FITM2: variants seen among roughly 807,000 people sequenced by gnomAD.
FITM2 encodes fat storage inducing transmembrane protein 2.
A neutral mutation model predicts 23.3 loss-of-function variants in FITM2; 16 were observed. The ratio of observed to expected loss-of-function variants is 0.69; its 90% CI spans 0.47 to 1.05. FITM2 has a LOEUF of 1.05. FITM2 is among the 50% of genes least tolerant of loss of function. FITM2 has a pLI of 0.00. For missense variants in FITM2, 273 were observed against 327.5 expected (o/e 0.83, Z 1.29); for synonymous variants, 132 against 142.0 (o/e 0.93, Z 0.50).
In FITM2 at chr20:44,306,278, G is replaced by A. The variant is rs995703304; in HGVS notation, c.*347C>T. ...GAGAAGGCAGCAAAGGAGTCCCAAG[G>A]CTCTGGCCACTCCTTTAGCCACACC... On this transcript the variant is annotated 3_prime_UTR_variant, in exon 2 of 2. Coordinates refer to ENST00000396825, the MANE Select transcript of FITM2 (RefSeq NM_001080472.4). The A allele has an allele frequency of 7.7e-6, 2 of 260,508 alleles. No homozygotes were observed. Among genetic ancestry groups the A allele is most frequent in the African/African-American group, 4.4e-5 (2 of 45,056 alleles). The allele number at this position is 260,508 out of a possible 1,614,324, so 16.1% of individuals were successfully genotyped here. A position where few individuals can be genotyped will look rare whatever the true frequency, so the allele number is the denominator to read the frequency against.
At position 44,306,927 on chromosome 20, in the gene FITM2, C is replaced by T. The variant is rs370245406; in HGVS notation, c.487G>A (p.Ala163Thr). The T allele has an allele frequency of 4.2e-5, 68 of 1,614,174 alleles. No homozygotes were observed. The highest frequency in any genetic ancestry group is 4.1e-4 in the African/African-American group (31 of 75,036). The change falls in exon 2 of 2, where the codon GCC becomes ACC. Residue 163 changes from alanine to threonine, a missense_variant. Ala to Thr is a moderately conservative substitution (Grantham distance 58). Coordinates refer to ENST00000396825, the MANE Select transcript of FITM2 (RefSeq NM_001080472.4). ...SGHSFLLTFCALMIVEEMSVL... is the reference protein window; with the variant it reads ...SGHSFLLTFCTLMIVEEMSVL... ...GACATCTCTTCTACAATCATGAGGG[C>T]GCAGAAGGTCAGCAGGAAGGAGTGA...
chr20:44,303,420 G>A lies in FITM2; in HGVS notation c.*3205C>T, dbSNP rs1198110048. On this transcript the variant is annotated 3_prime_UTR_variant, in exon 2 of 2. Transcript: ENST00000396825. ...ATAGAAAGCATGCTCCCAAGGAAGA[G>A]GCAAGGGGGCTAAGCATGGACAAGT... is the stretch of plus-strand genomic sequence containing the variant. 6.6e-6 allele frequency: 1 copy of A among 152,222 alleles called. No homozygotes were observed. Among genetic ancestry groups the A allele is most frequent in the Non-Finnish European group, 1.5e-5 (1 of 68,044 alleles). 9.4% of individuals were successfully genotyped at this position (152,222 alleles called of 1,614,324 possible).
rs1225873275 is a variant in FITM2, at chr20:44,306,609, C to T, written c.*16G>A. 23 of 1,607,976 alleles carry T rather than the reference C, an allele frequency of 1.4e-5. No homozygotes were observed. Among genetic ancestry groups the T allele is most frequent in the Non-Finnish European group, 1.7e-5 (20 of 1,175,850 alleles). ...TAGATTAGCCATTGTCCTTCTGTCCCCCCTCTGTTACTCTTTTATTTCTTG... is the reference window on the plus strand; with the variant it reads ...TAGATTAGCCATTGTCCTTCTGTCCTCCCTCTGTTACTCTTTTATTTCTTG... On this transcript the variant is annotated 3_prime_UTR_variant, in exon 2 of 2. Coordinates refer to ENST00000396825, the MANE Select transcript of FITM2 (RefSeq NM_001080472.4).
intron 1 of FITM2, among the ~76,000 whole-genome samples, chr20:44,310,514 A>G (rs1262118988): frequency 6.6e-6 from 1 of 152,092 alleles, no homozygotes; most frequent in Non-Finnish European, 1.5e-5. Flanking sequence ...CAGGTCGTAA[A>G]GGGATTCTGT....
Position 44,306,611 on chromosome 20 carries a change from C to A in FITM2, c.*14G>T, listed in dbSNP as rs751486880. 32 of 1,608,532 alleles carry A rather than the reference C, an allele frequency of 2.0e-5. No individual in the cohort carries two copies. Among genetic ancestry groups the A allele is most frequent in the South Asian group, 3.3e-5 (3 of 90,572 alleles). On this transcript the variant is annotated 3_prime_UTR_variant, in exon 2 of 2. Coordinates refer to ENST00000396825, the MANE Select transcript of FITM2 (RefSeq NM_001080472.4). ...GATTAGCCATTGTCCTTCTGTCCCC[C>A]CTCTGTTACTCTTTTATTTCTTGTA... is the stretch of plus-strand genomic sequence containing the variant.
intron 1 of FITM2, 35 bp downstream of exon 1, chr20:44,310,941 C>T (rs2062703215): frequency 1.3e-6 from 2 of 1,511,084 alleles, no homozygotes; most frequent in South Asian, 1.3e-5. Context: ...CGGGCCGGCT[C>T]GGGCGGGGAC....
At chr20:44,309,311 T>C (rs537288726) in intron 1 of FITM2, among the ~76,000 whole-genome samples, 275 of 152,158 alleles carry the variant, frequency 1.8e-3, no homozygotes, top group South Asian at 8.1e-3. Flanking sequence ...TCCTCAGTAG[T>C]TGGAATTACA....
Position 44,304,388 on chromosome 20 carries a change from C to T in FITM2, c.*2237G>A, listed in dbSNP as rs1320229290. 6.6e-6 allele frequency: 1 copy of T among 152,222 alleles called. No homozygotes were observed. Among genetic ancestry groups the T allele is most frequent in the Non-Finnish European group, 1.5e-5 (1 of 68,062 alleles). The allele number at this position is 152,222 out of a possible 1,614,324, so 9.4% of individuals were successfully genotyped here. A position where few individuals can be genotyped will look rare whatever the true frequency, so the allele number is the denominator to read the frequency against. ...GGATATCTTATCACAGGGCGTGGAA[C>T]TGTGCCTTTGTGGATGGAGGTGACA... On this transcript the variant is annotated 3_prime_UTR_variant, in exon 2 of 2. Coordinates refer to ENST00000396825, the MANE Select transcript of FITM2 (RefSeq NM_001080472.4).
intron 1 of FITM2, among the ~76,000 whole-genome samples, 157 bp from the exon 2 acceptor site, chr20:44,307,397 A>G (rs973995676): frequency 6.6e-6 from 1 of 152,042 alleles, no homozygotes; most frequent in Non-Finnish European, 1.5e-5. Flanking sequence ...CTTACCATAT[A>G]CTTCACTTAC....
In FITM2 at chr20:44,307,123, C is replaced by A; in HGVS notation, c.291G>T (p.Leu97=). The stretch of plus-strand genomic sequence containing the variant: ...TGTACCAGATGGCCGTGCCCACAAG[C>A]AGGGTGCTCAGCCGCCGCAGGACCA... ...AGLVLRRLST[L]LVGTAIWYIC... The change falls in exon 2 of 2, where the codon CTG becomes CTT. Residue 97 remains leucine (L), a synonymous_variant. Transcript: ENST00000396825. 1.2e-6 allele frequency: 2 copies of A among 1,614,184 alleles called. No individual in the cohort carries two copies.
At chr20:44,309,883 G>C (rs1420413422) in intron 1 of FITM2, among the ~76,000 whole-genome samples, 1 of 152,232 alleles carries the variant, frequency 6.6e-6, no homozygotes, top group Non-Finnish European at 1.5e-5. Context: ...ACCCAGGACA[G>C]AGACTTGGGG....
rs1261197619 is a variant in FITM2 at position 44,305,544 on chromosome 20, C to T, written c.*1081G>A. On this transcript the variant is annotated 3_prime_UTR_variant, in exon 2 of 2. Transcript: ENST00000396825. ...TTTTTATAAAGAACCCTGCCTGAGC[C>T]GGGCGCGGTGGCTCATGCCTGTAAT... The T allele has an allele frequency of 6.6e-6, 1 of 151,870 alleles. No individual in the cohort carries two copies. Among genetic ancestry groups the T allele is most frequent in the Non-Finnish European group, 1.5e-5 (1 of 67,962 alleles). The allele number at this position is 151,870 out of a possible 1,614,324, so 9.4% of individuals were successfully genotyped here.
At chr20:44,307,668 C>T (rs555348897) in intron 1 of FITM2, among the ~76,000 whole-genome samples, 6 of 152,060 alleles carry the variant, frequency 3.9e-5, no homozygotes, top group African/African-American at 7.2e-5. Flanking sequence ...TCAAATGCTC[C>T]GGCCACCTTG....
At chr20:44,309,930 T>C (rs955705269) in intron 1 of FITM2, among the ~76,000 whole-genome samples, 14 of 152,164 alleles carry the variant, frequency 9.2e-5, no homozygotes, top group Admixed American at 9.2e-4. Context: ...TAGCCCAGCC[T>C]CTCAGGGTGG....
chr20:44,307,462 G>T (rs1164344074), intron 1 of FITM2, among the ~76,000 whole-genome samples: 1 of 151,980 alleles, frequency 6.6e-6, no homozygotes, highest in Non-Finnish European at 1.5e-5. Flanking sequence ...GTCTCGCTCT[G>T]TCACTCGGGC....
At position 44,307,060 on chromosome 20, in the gene FITM2, CG is replaced by C. The variant is rs2062692376; in HGVS notation, c.353del (p.Thr118ArgfsTer42). 1 of 1,614,036 alleles carries C rather than the reference CG, an allele frequency of 6.2e-7. No individual in the cohort carries two copies. The highest frequency in any genetic ancestry group is 1.3e-5 in the African/African-American group (1 of 74,904). On this transcript the variant is annotated frameshift_variant, in exon 2 of 2. Coordinates refer to ENST00000396825, the MANE Select transcript of FITM2 (RefSeq NM_001080472.4). LOFTEE classifies it high-confidence loss of function. Reference protein sequence around the residue: ...TSIFSNIEHYTGSCYQSPALE... With the variant: ...TSIFSNIEHYXGSCYQSPALE... Reference sequence around the variant, plus strand: ...GGGCTGGGGACTGGTAGCAGCTGCCCGTGTAGTGTTCGATGTTGGAGAAGAT... The same window carrying C: ...GGGCTGGGGACTGGTAGCAGCTGCCCTGTAGTGTTCGATGTTGGAGAAGAT...
rs1360497577 is a variant in FITM2, at chr20:44,303,035, C to T, written c.*3590G>A. Reference sequence around the variant, plus strand: ...TAAGCATGGCAGTATTCTATGATCACAGATGCCCCCAGAGCCTGGGGGTAA... The same window carrying T: ...TAAGCATGGCAGTATTCTATGATCATAGATGCCCCCAGAGCCTGGGGGTAA... On this transcript the variant is annotated 3_prime_UTR_variant, in exon 2 of 2. Coordinates refer to ENST00000396825, the MANE Select transcript of FITM2 (RefSeq NM_001080472.4). 1.3e-5 allele frequency: 2 copies of T among 152,132 alleles called. No individual in the cohort carries two copies. Among genetic ancestry groups the T allele is most frequent in the African/African-American group, 2.4e-5 (1 of 41,410 alleles). The allele number at this position is 152,132 out of a possible 1,614,324, so 9.4% of individuals were successfully genotyped here. A position where few individuals can be genotyped will look rare whatever the true frequency, so the allele number is the denominator to read the frequency against.
chr20:44,309,097 C>G (rs1486566619), intron 1 of FITM2, among the ~76,000 whole-genome samples: 1 of 150,840 alleles, frequency 6.6e-6, no homozygotes, highest in Non-Finnish European at 1.5e-5. Flanking sequence ...CGGGTTCAAG[C>G]AATTCTCCTG....
In FITM2 at chr20:44,303,752, G is replaced by C. The variant is rs1258664513; in HGVS notation, c.*2873C>G. ...CGATTCTCCTGCCCCAGCCTCCCGA[G>C]TAGCTGGGATTACAGGCGTGTACCA... On this transcript the variant is annotated 3_prime_UTR_variant, in exon 2 of 2. Coordinates refer to ENST00000396825, the MANE Select transcript of FITM2 (RefSeq NM_001080472.4). 1 of 152,126 alleles carries C rather than the reference G, an allele frequency of 6.6e-6. No homozygotes were observed. Among genetic ancestry groups the C allele is most frequent in the African/African-American group, 2.4e-5 (1 of 41,364 alleles). The allele number at this position is 152,126 out of a possible 1,614,324, so 9.4% of individuals were successfully genotyped here.
Sources: allele counts gnomAD v4.1 joint callset (sites outside exome capture counted in the v4.1 genomes callset), GRCh38; gene constraint gnomAD v4.1.1; transcripts MANE v1.5; gene names NCBI Gene and HGNC (gene_info 2026-07-23, HGNC 2026-07-21).